The following PGR variants were observed in gnomAD, a reference collection of about 807,000 sequenced individuals.
PGR encodes nuclear receptor subfamily 3 group C member 3.
Under a neutral mutation model 76.1 loss-of-function variants are expected in PGR, and 25 were observed. The observed-to-expected ratio is 0.33, with a 90% CI of 0.24 to 0.46. PGR has a LOEUF of 0.46. Ranked by LOEUF, PGR falls within the 20% of genes least tolerant of loss-of-function variation. The probability of loss-of-function intolerance (pLI) is 1.00; values close to 1 mark genes in which losing one functional copy is unlikely to be tolerated. For synonymous variants in PGR, 579 were observed against 535.0 expected (o/e 1.08, Z -1.14); for missense variants, 1,172 against 1,225.3 (o/e 0.96, Z 0.65).
Position 101,035,900 on chromosome 11 carries a change from G to A in PGR, c.*3216C>T, listed in dbSNP as rs1859495156. On this transcript the variant is annotated 3_prime_UTR_variant, in exon 8 of 8. Transcript: ENST00000325455. The stretch of plus-strand genomic sequence containing the variant: ...AGCTGGTGAGTTTGATAAAATTATA[G>A]CCAGAACTATGGCTTAATGAAAACA... 4.4e-6 allele frequency: 1 copy of A among 229,874 alleles called. No homozygotes were observed. The highest frequency in any genetic ancestry group is 8.6e-6 in the Non-Finnish European group (1 of 116,106). 14.2% of individuals were successfully genotyped at this position (229,874 alleles called of 1,614,324 possible). A position where few individuals can be genotyped will look rare whatever the true frequency, so the allele number is the denominator to read the frequency against.
At position 101,035,538 on chromosome 11, in the gene PGR, G is replaced by T. The variant is rs1387807473; in HGVS notation, c.*3578C>A. ...CTTCATTGTAATTTCTAAACCCATT[G>T]TTCCCTTTTGTGGAATTGCTGCCAT... is the stretch of plus-strand genomic sequence containing the variant. On this transcript the variant is annotated 3_prime_UTR_variant, in exon 8 of 8. Transcript: ENST00000325455. The T allele has an allele frequency of 2.2e-5, 5 of 232,042 alleles. No individual in the cohort carries two copies. The highest frequency in any genetic ancestry group is 3.4e-5 in the Non-Finnish European group (4 of 117,448). 14.4% of individuals were successfully genotyped at this position (232,042 alleles called of 1,614,324 possible).
At chr11:101,123,031 T>A (rs1862728157) in intron 2 of PGR, among the ~76,000 whole-genome samples, 1 of 152,198 alleles carries the variant, frequency 6.6e-6, no homozygotes, top group Non-Finnish European at 1.5e-5. Context: ...TTTCCTATTA[T>A]GAGAAAGGAA....
At position 101,035,115 on chromosome 11, in the gene PGR, C is replaced by T. The variant is rs1859465031; in HGVS notation, c.*4001G>A. 4.8e-6 allele frequency: 1 copy of T among 209,478 alleles called. No individual in the cohort carries two copies. Among genetic ancestry groups the T allele is most frequent in the Admixed American group, 5.9e-5 (1 of 16,942 alleles). The allele number at this position is 209,478 out of a possible 1,614,324, so 13.0% of individuals were successfully genotyped here. A position where few individuals can be genotyped will look rare whatever the true frequency, so the allele number is the denominator to read the frequency against. On this transcript the variant is annotated 3_prime_UTR_variant, in exon 8 of 8. Coordinates refer to ENST00000325455, the MANE Select transcript of PGR (RefSeq NM_000926.4). ...TTTCCCACATCCAATGGCTATTGAA[C>T]AGGCATACTTTGGGAAAAACAAACT... is the stretch of plus-strand genomic sequence containing the variant.
intron 2 of PGR, among the ~76,000 whole-genome samples, chr11:101,120,732 A>C (rs1392945485): frequency 2.0e-5 from 3 of 152,206 alleles, no homozygotes; most frequent in Non-Finnish European, 4.4e-5. Flanking sequence ...AGGCAAGGGA[A>C]CAGATTAGAG....
At chr11:101,122,450 T>C (rs146995977) in intron 2 of PGR, among the ~76,000 whole-genome samples, 24 of 152,312 alleles carry the variant, frequency 1.6e-4, no homozygotes, top group Admixed American at 5.9e-4. Flanking sequence ...CATTGAGAAA[T>C]AGTCCTTTCC....
intron 2 of PGR, among the ~76,000 whole-genome samples, chr11:101,099,854 C>A (rs1270459536): frequency 6.6e-6 from 1 of 152,164 alleles, no homozygotes; most frequent in East Asian, 1.9e-4. Context: ...ACTGTGCTCT[C>A]TAACTTCTCT....
At chr11:101,083,165 T>G (rs1027684051) in intron 3 of PGR, among the ~76,000 whole-genome samples, 2 of 152,160 alleles carry the variant, frequency 1.3e-5, no homozygotes, top group Non-Finnish European at 2.9e-5. Flanking sequence ...GGCCAGGGCT[T>G]CAGAGGATGC....
intron 2 of PGR, among the ~76,000 whole-genome samples, chr11:101,106,230 A>G (rs1862157731): frequency 6.6e-6 from 1 of 152,314 alleles, no homozygotes; most frequent in East Asian, 1.9e-4. Flanking sequence ...GACAAATGGG[A>G]TCTAATTAAA....
At chr11:101,124,555 G>T (rs994698233) in intron 2 of PGR, among the ~76,000 whole-genome samples, 2 of 152,110 alleles carry the variant, frequency 1.3e-5, no homozygotes, top group African/African-American at 4.8e-5. Flanking sequence ...GGGCTTAAGA[G>T]GATTCTAAGG....
intron 2 of PGR, among the ~76,000 whole-genome samples, chr11:101,094,534 G>A (rs530507364): frequency 6.6e-6 from 1 of 152,052 alleles, no homozygotes; most frequent in Non-Finnish European, 1.5e-5. Context: ...CACTTTGTGG[G>A]TAGTCTGTCT....
At chr11:101,088,990 C>A (rs891044417) in intron 3 of PGR, among the ~76,000 whole-genome samples, 4 of 152,248 alleles carry the variant, frequency 2.6e-5, no homozygotes, top group African/African-American at 9.6e-5. Flanking sequence ...ATTGGGTATT[C>A]ATGAGCATAA....
rs1284580665 is a variant in PGR at position 101,033,792 on chromosome 11, T to C, written c.*5324A>G. ...TAAAAATGCAGATTAGTAAACGTCA[T>C]AGACAAAGAGATCAGAAACTTAACA... On this transcript the variant is annotated 3_prime_UTR_variant, in exon 8 of 8. Coordinates refer to ENST00000325455, the MANE Select transcript of PGR (RefSeq NM_000926.4). 1 of 207,352 alleles carries C rather than the reference T, an allele frequency of 4.8e-6. No homozygotes were observed. The highest frequency in any genetic ancestry group is 9.8e-6 in the Non-Finnish European group (1 of 101,720). The allele number at this position is 207,352 out of a possible 1,614,324, so 12.8% of individuals were successfully genotyped here.
At chr11:101,080,216 C>G (rs1282858804) in intron 3 of PGR, among the ~76,000 whole-genome samples, 1 of 152,026 alleles carries the variant, frequency 6.6e-6, no homozygotes, top group Admixed American at 6.6e-5. Flanking sequence ...AGCTTTTGCT[C>G]GGAAACAAGG....
At chr11:101,093,445 A>G (rs967821650) in intron 2 of PGR, among the ~76,000 whole-genome samples, 15 of 152,174 alleles carry the variant, frequency 9.9e-5, no homozygotes, top group African/African-American at 3.1e-4. Flanking sequence ...AAGAGAGAAC[A>G]GAAAATAGCA....
chr11:101,052,286 TGTGTGTGTGTGTGTGTGTGTGTG>T, intron 4 of PGR, among the ~76,000 whole-genome samples: 1 of 79,682 alleles, frequency 1.3e-5, no homozygotes, highest in South Asian at 3.5e-4. Context: ...TGTGTGTGTG[TGTGTGTGTGTGTGTGTGTGTGTG>T]TGTGTGTGTG....
chr11:101,062,741 T>C lies in PGR; in HGVS notation c.1918A>G (p.Lys640Glu). ...ACAACTCTGACTTTATTGAACTTTTTAAATTTTCGACCTACAGAGAAGAAA... is the reference window on the plus strand; with the variant it reads ...ACAACTCTGACTTTATTGAACTTTTCAAATTTTCGACCTACAGAGAAGAAA... ...AGMVLGGRKF[K>E]KFNKVRVVRA... is the part of the protein sequence containing the mutation. The change falls in exon 4 of 8, where the codon AAA (lysine) becomes GAA (glutamate). Residue 640 changes from lysine (K) to glutamate (E), a missense_variant. This residue lies in a region of PGR where 73 missense variants were observed against 60.7 expected (regional missense o/e 1.20). Transcript: ENST00000325455. 6.2e-7 allele frequency: 1 copy of C among 1,611,670 alleles called. No individual in the cohort carries two copies. The highest frequency in any genetic ancestry group is 8.5e-7 in the Non-Finnish European group (1 of 1,179,356).
At chr11:101,108,898 A>G (rs1238375124) in intron 2 of PGR, among the ~76,000 whole-genome samples, 3 of 152,226 alleles carry the variant, frequency 2.0e-5, no homozygotes, top group Admixed American at 6.5e-5. Flanking sequence ...GACTATGGGC[A>G]TCATTTTTCC....
rs865856373 is a variant in PGR, at chr11:101,039,185, T to G, written c.2733A>C (p.Glu911Asp). The change falls in exon 8 of 8, where the codon GAA becomes GAC. Residue 911 changes from glutamate to aspartate, a missense_variant. Physicochemically the swap from Glu to Asp is conservative, Grantham distance 45. Transcript: ENST00000325455. ...LSVEFPEMMS[E>D]VIAAQLPKIL... ...TCTTGGGTAATTGTGCAGCAATAAC[T>G]TCAGACATCATTTCTGGAAATTCAA... The G allele has an allele frequency of 6.2e-7, 1 of 1,611,640 alleles. No individual in the cohort carries two copies. Among genetic ancestry groups the G allele is most frequent in the Non-Finnish European group, 8.5e-7 (1 of 1,178,076 alleles).
intron 2 of PGR, among the ~76,000 whole-genome samples, chr11:101,125,209 T>C (rs534095945): frequency 5.3e-5 from 8 of 152,318 alleles, no homozygotes; most frequent in African/African-American, 1.7e-4. Flanking sequence ...AATGTAAAGA[T>C]GTTTGGCTGC....
Sources: gnomAD v4.1 joint callset for allele counts (sites outside exome capture counted in the v4.1 genomes callset) on GRCh38, gnomAD v4.1.1 for gene constraint, gnomAD v4.1.1 regional missense constraint, MANE v1.5 for transcripts, NCBI Gene and HGNC (gene_info 2026-07-23, HGNC 2026-07-21) for gene names.